The following CCAR1 variants were observed in gnomAD, a reference collection of about 807,000 sequenced individuals.
CCAR1 encodes the protein cell division cycle and apoptosis regulator 1.
CCAR1 carries 78 observed loss-of-function variants against 163.8 expected under a neutral mutation model. That is an observed-to-expected ratio of 0.48 (90% confidence interval 0.40 to 0.57). The LOEUF (loss-of-function observed/expected upper bound fraction) is 0.57. CCAR1 is among the 20% of genes least tolerant of loss of function. CCAR1 has a pLI of 0.00. For missense variants in CCAR1, 1,019 were observed against 1,365.2 expected (o/e 0.75, Z 4.00); for synonymous variants, 443 against 460.7 (o/e 0.96, Z 0.49).
rs377534238 is a variant in CCAR1 at position 68,731,448 on chromosome 10, T to C, written c.74-5428T>C. 2.0e-5 allele frequency among the ~76,000 whole-genome samples: 3 copies of C among 152,216 alleles called. No homozygotes were observed. In the South Asian group the frequency reaches 6.2e-4, roughly 31 times the overall value. ...AACTGTTATATATTTATAAAAGATA[T>C]AATCACATTCACAGTGATTCCACAA... On this transcript the variant is annotated intron_variant, in intron 2 of 24. Coordinates refer to ENST00000265872, the MANE Select transcript of CCAR1 (RefSeq NM_018237.4).
At chr10:68,746,145 G>A (rs1403974708) in intron 6 of CCAR1, among the ~76,000 whole-genome samples, 1 of 150,808 alleles carries the variant, frequency 6.6e-6, no homozygotes, top group Non-Finnish European at 1.5e-5. Flanking sequence ...GCTAATTTTT[G>A]TATTTTCAGT....
intron 19 of CCAR1, among the ~76,000 whole-genome samples, chr10:68,774,229 T>C (rs1320548346): frequency 6.6e-6 from 1 of 152,198 alleles, no homozygotes; most frequent in East Asian, 1.9e-4. Context: ...GGTCTCATTC[T>C]GTTGCCCAGG....
intron 3 of CCAR1, among the ~76,000 whole-genome samples, chr10:68,737,498 CAAAAAAAA>C (rs1200590065): frequency 2.4e-3 from 153 of 64,474 alleles, no homozygotes; most frequent in African/African-American, 6.0e-3. Flanking sequence ...ACCCTGTGTC[CAAAAAAAA>C]AAAAAAAAAA....
chr10:68,776,910 A>AC (rs747848913), intron 19 of CCAR1, among the ~76,000 whole-genome samples: 1 of 152,184 alleles, frequency 6.6e-6, no homozygotes, highest in Non-Finnish European at 1.5e-5. Context: ...TGACACCTCC[A>AC]CTTAGTTATC....
intron 20 of CCAR1, 122 bp from the exon 21 acceptor site, chr10:68,786,424 T>G: frequency 2.7e-6 from 2 of 751,944 alleles, no homozygotes; most frequent in Non-Finnish European, 4.2e-6. Flanking sequence ...TCATTTTAGC[T>G]AGGATGAGGC....
At chr10:68,786,339 A>C in intron 20 of CCAR1, 121 bp downstream of exon 20, 1 of 825,270 alleles carries the variant, frequency 1.2e-6, no homozygotes, top group Middle Eastern at 3.6e-4. Context: ...AAATTCTGTC[A>C]GTTGTTTTTT....
Position 68,791,324 on chromosome 10 carries a change from A to C in CCAR1, c.*58A>C. The C allele has an allele frequency of 8.4e-7, 1 of 1,193,314 alleles. No individual in the cohort carries two copies. The highest frequency in any genetic ancestry group is 1.2e-6 in the Non-Finnish European group (1 of 830,134). 73.9% of individuals were successfully genotyped at this position (1,193,314 alleles called of 1,614,324 possible). A position where few individuals can be genotyped will look rare whatever the true frequency, so the allele number is the denominator to read the frequency against. ...AATAATGTAATATATAAAAATCATG[A>C]TATAAGAATGTTTGAAGGTGATGCA... On this transcript the variant is annotated 3_prime_UTR_variant, in exon 25 of 25. Coordinates refer to ENST00000265872, the MANE Select transcript of CCAR1 (RefSeq NM_018237.4).
chr10:68,765,496 A>G (rs2056524959), intron 16 of CCAR1, among the ~76,000 whole-genome samples: 1 of 152,140 alleles, frequency 6.6e-6, no homozygotes, highest in Non-Finnish European at 1.5e-5. Context: ...TTTGTTATGA[A>G]TGCTATCAGT....
intron 19 of CCAR1, among the ~76,000 whole-genome samples, chr10:68,778,818 C>A: frequency 6.6e-6 from 1 of 151,940 alleles, no homozygotes; most frequent in South Asian, 2.1e-4. Context: ...TATTTTATAT[C>A]TCATGATCCT....
At chr10:68,721,486 C>CA in intron 1 of CCAR1, 1 of 416,942 alleles carries the variant, frequency 2.4e-6, no homozygotes. Flanking sequence ...CGGCCAGCCC[C>CA]ACCCCCACCG....
In CCAR1 at chr10:68,755,494, G is replaced by T; in HGVS notation, c.1583G>T (p.Cys528Phe). The change falls in exon 13 of 25, where the codon TGT (cysteine) becomes TTT (phenylalanine). Residue 528 changes from cysteine (C) to phenylalanine (F), a missense_variant. Coordinates refer to ENST00000265872, the MANE Select transcript of CCAR1 (RefSeq NM_018237.4). ...TTGATTAAGACTGCTATTCGTTGTT[G>T]TAAGGCTCTGACAGGCATTGATCTA... is the stretch of plus-strand genomic sequence containing the variant. ...SVLIKTAIRCCKALTGIDLSV... is the reference protein window; with the variant it reads ...SVLIKTAIRCFKALTGIDLSV... The T allele has an allele frequency of 1.9e-6, 3 of 1,614,172 alleles. No homozygotes were observed. Among genetic ancestry groups the T allele is most frequent in the Non-Finnish European group, 2.5e-6 (3 of 1,179,988 alleles).
At chr10:68,740,352 A>C (rs966667152) in intron 4 of CCAR1, among the ~76,000 whole-genome samples, 2 of 152,150 alleles carry the variant, frequency 1.3e-5, no homozygotes, top group African/African-American at 4.8e-5. Flanking sequence ...ATACCTAGTT[A>C]TCTCTGTTAC....
rs3998848 is a variant in CCAR1 at position 68,729,702 on chromosome 10, T to TAA, written c.73+7140_73+7141dup. On this transcript the variant is annotated intron_variant, in intron 2 of 24. Coordinates refer to ENST00000265872, the MANE Select transcript of CCAR1 (RefSeq NM_018237.4). The stretch of plus-strand genomic sequence containing the variant: ...AGGAGGATTGAGCAAAACTCCGTCT[T>TAA]AAAAAAAAAAAAAAAATACAAAAAC... Among the ~76,000 whole-genome samples the TAA allele has an allele frequency of 2.6e-3, 380 of 144,732 alleles. 3 individuals are homozygous for TAA. Among genetic ancestry groups the TAA allele is most frequent in the African/African-American group, 9.0e-3 (353 of 39,318 alleles). 94.9% of individuals were successfully genotyped at this position (144,732 alleles called of 152,430 possible).
At chr10:68,740,729 T>C (rs1564532640) in intron 5 of CCAR1, 68 bp downstream of exon 5, 3 of 1,240,482 alleles carry the variant, frequency 2.4e-6, no homozygotes, top group Non-Finnish European at 3.4e-6. Context: ...TTATTAGTAT[T>C]CTACTTTTTC....
At position 68,747,144 on chromosome 10, in the gene CCAR1, T is replaced by TC; in HGVS notation, c.519-16dup. On this transcript the variant is annotated splice_polypyrimidine_tract_variant and intron_variant, in intron 6 of 24. Transcript: ENST00000265872. ...TTGTATTTATATTTAACTTTTTTTT[T>TC]CTTTTTTTTTTTACAGTGCTGTCAA... 1.6e-6 allele frequency: 2 copies of TC among 1,282,948 alleles called. No homozygotes were observed. The highest frequency in any genetic ancestry group is 2.2e-6 in the Non-Finnish European group (2 of 917,526). The allele number at this position is 1,282,948 out of a possible 1,614,324, so 79.5% of individuals were successfully genotyped here. A position where few individuals can be genotyped will look rare whatever the true frequency, so the allele number is the denominator to read the frequency against.
At chr10:68,786,248 TATG>T (rs1338086248) in intron 20 of CCAR1, 30 bp downstream of exon 20, 1 of 1,390,308 alleles carries the variant, frequency 7.2e-7, no homozygotes. Flanking sequence ...TTCTTTATAA[TATG>T]GTGATATCTT....
intron 10 of CCAR1, among the ~76,000 whole-genome samples, chr10:68,749,972 T>A (rs1002094370): frequency 1.3e-5 from 2 of 152,174 alleles, no homozygotes; most frequent in African/African-American, 4.8e-5. Flanking sequence ...CTAGACTTAC[T>A]GATAACTTGA....
At chr10:68,754,967 T>C (rs950208115) in intron 12 of CCAR1, 140 bp downstream of exon 12, 1 of 605,240 alleles carries the variant, frequency 1.7e-6, no homozygotes, top group Non-Finnish European at 2.9e-6. Flanking sequence ...CAGAATTTAA[T>C]GATGTAGATG....
intron 5 of CCAR1, among the ~76,000 whole-genome samples, chr10:68,741,313 G>A (rs2056181129): frequency 6.6e-6 from 1 of 152,064 alleles, no homozygotes; most frequent in South Asian, 2.1e-4. Flanking sequence ...TTCCACTTTA[G>A]CAGGGAAAGT....
Sources: allele counts gnomAD v4.1 joint callset (sites outside exome capture counted in the v4.1 genomes callset), GRCh38; gene constraint gnomAD v4.1.1; transcripts MANE v1.5; gene names NCBI Gene and HGNC (gene_info 2026-07-23, HGNC 2026-07-21).